The following MTA1 variants were observed in gnomAD, a reference collection of about 807,000 sequenced individuals.
The protein encoded by MTA1 is metastasis associated 1, also known as metastasis-associated protein MTA1.
Under a neutral mutation model 97.0 loss-of-function variants are expected in MTA1, and 15 were observed. The ratio of observed to expected loss-of-function variants is 0.15; its 90% confidence interval spans 0.10 to 0.24. MTA1 has a LOEUF of 0.24. MTA1 is among the 10% of genes least tolerant of loss of function. The pLI is 1.00. For missense variants in MTA1, 709 were observed against 1,015.1 expected (o/e 0.70, Z 4.10); for synonymous variants, 435 against 417.5 (o/e 1.04, Z -0.51).
chr14:105,454,032 G>C (rs2083047708), intron 6 of MTA1, among the ~76,000 whole-genome samples, 161 bp from the exon 7 acceptor site: 1 of 152,194 alleles, frequency 6.6e-6, no homozygotes, highest in Non-Finnish European at 1.5e-5. Flanking sequence ...ATGGCCGGGA[G>C]CTGTGGGGGC....
rs1298217128 is a variant in MTA1 at position 105,420,195 on chromosome 14, T to C, written c.28+132T>C. ...CCCGCCCTCGCGGCCCCCGGCTCCT[T>C]CCCGAACCGCCCCCCGCCGTGCTCA... On this transcript the variant is annotated intron_variant, in intron 1 of 20. Coordinates refer to ENST00000331320, the MANE Select transcript of MTA1 (RefSeq NM_004689.4). The surrounding 1 kb of genome is among the most constrained non-coding windows in gnomAD (Gnocchi z 5.3). 1 of 378,800 alleles carries C rather than the reference T, an allele frequency of 2.6e-6. No individual in the cohort carries two copies. The highest frequency in any genetic ancestry group is 3.6e-6 in the Non-Finnish European group (1 of 275,934). 23.5% of individuals were successfully genotyped at this position (378,800 alleles called of 1,614,324 possible).
intron 9 of MTA1, 89 bp downstream of exon 9, chr14:105,460,546 C>G (rs904910991): frequency 7.4e-7 from 1 of 1,351,762 alleles, no homozygotes; most frequent in African/African-American, 1.5e-5. Flanking sequence ...GGCCCAGCAC[C>G]TGCCCCAGGT....
chr14:105,446,429 G>A (rs2082720276), intron 3 of MTA1, among the ~76,000 whole-genome samples: 1 of 152,222 alleles, frequency 6.6e-6, no homozygotes, highest in Non-Finnish European at 1.5e-5. Context: ...GGTCCCACCT[G>A]TAACCTCCCA....
intron 7 of MTA1, among the ~76,000 whole-genome samples, chr14:105,456,853 C>T (rs2083173166): frequency 1.3e-5 from 2 of 152,222 alleles, no homozygotes; most frequent in African/African-American, 4.8e-5. Context: ...TTCACACAGC[C>T]CCAGTCCCTG....
In MTA1 at chr14:105,460,900, G is replaced by C. The variant is rs782291540; in HGVS notation, c.889G>C (p.Glu297Gln). 2 of 1,613,002 alleles carry C rather than the reference G, an allele frequency of 1.2e-6. No homozygotes were observed. Among genetic ancestry groups the C allele is most frequent in the Non-Finnish European group, 8.5e-7 (1 of 1,179,728 alleles). ...GTCTGCATCAGAGGCCAACCTTTTC[G>C]AGGAAGCCCTGGAAAAATATGGGAA... ...EWSASEANLF[E>Q]EALEKYGKDF... The change falls in exon 10 of 21, where the codon GAG (glutamate) becomes CAG (glutamine). Residue 297 changes from glutamate to glutamine, a missense_variant. Coordinates refer to ENST00000331320, the MANE Select transcript of MTA1 (RefSeq NM_004689.4).
rs2083739801 is a variant in MTA1, at chr14:105,469,491, G to A, written c.1838G>A (p.Arg613Lys). 4 of 1,612,738 alleles carry A rather than the reference G, an allele frequency of 2.5e-6. No homozygotes were observed. The highest frequency in any genetic ancestry group is 1.3e-5 in the African/African-American group (1 of 74,926). The change falls in exon 19 of 21, where the codon AGG becomes AAG. Residue 613 changes from arginine to lysine, a missense_variant. Coordinates refer to ENST00000331320, the MANE Select transcript of MTA1 (RefSeq NM_004689.4). ...SRGLANHGQARHMGPSRNLLL... is the reference protein window; with the variant it reads ...SRGLANHGQAKHMGPSRNLLL... ...GGTCTGGCAAACCACGGACAGGCCA[G>A]GCACATGGTAAGAGGAACAACCCAT... is the stretch of plus-strand genomic sequence containing the variant.
At position 105,464,845 on chromosome 14, in the gene MTA1, G is replaced by A. The variant is rs782761944; in HGVS notation, c.1516G>A (p.Ala506Thr). 16 of 1,583,276 alleles carry A rather than the reference G, an allele frequency of 1.0e-5. No individual in the cohort carries two copies. Among genetic ancestry groups the A allele is most frequent in the Admixed American group, 1.8e-5 (1 of 56,854 alleles). Residue 506 changes from alanine to threonine, a missense_variant, in exon 15 of 21, where the codon GCG (alanine) becomes ACG (threonine). By Grantham distance (58) the Ala-to-Thr change is moderately conservative (BLOSUM62 0). Coordinates refer to ENST00000331320, the MANE Select transcript of MTA1 (RefSeq NM_004689.4). ...ARHPYLPINS[A>T]AIKAECTARL... is the part of the protein sequence containing the mutation. ...GCACCCCTACCTGCCCATCAACAGC[G>A]CGGCCATCAAGGCCGAGTGTGAGTC...
At chr14:105,441,122 G>A (rs985849435) in intron 2 of MTA1, among the ~76,000 whole-genome samples, 5 of 152,204 alleles carry the variant, frequency 3.3e-5, no homozygotes, top group African/African-American at 1.2e-4. Context: ...GGGGGGTCAG[G>A]TGGTCCCACA....
intron 15 of MTA1, 30 bp downstream of exon 15, chr14:105,464,893 G>A: frequency 6.5e-7 from 1 of 1,529,596 alleles, no homozygotes; most frequent in South Asian, 1.2e-5. Context: ...CGCTTACTCT[G>A]TTCCTGCGGG....
intron 6 of MTA1, among the ~76,000 whole-genome samples, 174 bp from the exon 7 acceptor site, chr14:105,454,019 G>C (rs1473363556): frequency 2.0e-5 from 3 of 152,182 alleles, no homozygotes; most frequent in African/African-American, 7.2e-5. Flanking sequence ...GCTCCTCCCA[G>C]GCATGGCCGG....
intron 2 of MTA1, among the ~76,000 whole-genome samples, chr14:105,440,093 G>A (rs587660927): frequency 3.3e-5 from 5 of 152,196 alleles, no homozygotes; most frequent in Non-Finnish European, 7.4e-5. Context: ...TGAGGGCCAG[G>A]CCTGTTTGTT....
chr14:105,467,070 C>T (rs987498866), intron 18 of MTA1: 23 of 484,848 alleles, frequency 4.7e-5, no homozygotes, highest in Admixed American at 7.4e-5. Flanking sequence ...CTCGTGGGGC[C>T]GCCCGTGCTG....
At position 105,419,992 on chromosome 14, in the gene MTA1, G is replaced by C. The variant is rs2081769648; in HGVS notation, c.-44G>C. On this transcript the variant is annotated 5_prime_UTR_variant, in exon 1 of 21. Coordinates refer to ENST00000331320, the MANE Select transcript of MTA1 (RefSeq NM_004689.4). Reference sequence around the variant, plus strand: ...CCATTTTCCCGGCCGCCCGCGCCGAGCGCCGCGCCCGCCCCGGGCCCCTCC... The same window carrying C: ...CCATTTTCCCGGCCGCCCGCGCCGACCGCCGCGCCCGCCCCGGGCCCCTCC... 3 of 994,802 alleles carry C rather than the reference G, an allele frequency of 3.0e-6. No individual in the cohort carries two copies. The highest frequency in any genetic ancestry group is 3.6e-6 in the Non-Finnish European group (3 of 837,818). 61.6% of individuals were successfully genotyped at this position (994,802 alleles called of 1,614,324 possible). A position where few individuals can be genotyped will look rare whatever the true frequency, so the allele number is the denominator to read the frequency against.
chr14:105,437,694 G>T (rs587728381), intron 1 of MTA1, among the ~76,000 whole-genome samples: 1 of 152,346 alleles, frequency 6.6e-6, no homozygotes, highest in South Asian at 2.1e-4. Context: ...GCGGGCCTCT[G>T]GGCTGATTCC....
intron 13 of MTA1, 35 bp downstream of exon 13, chr14:105,464,182 G>A (rs368792368): frequency 5.5e-5 from 87 of 1,580,692 alleles, no homozygotes; most frequent in African/African-American, 1.2e-4. Context: ...CACACCGCAC[G>A]CCCGCCTGTG....
intron 4 of MTA1, among the ~76,000 whole-genome samples, chr14:105,449,796 C>T (rs587672793): frequency 2.4e-4 from 37 of 152,340 alleles, no homozygotes; most frequent in African/African-American, 8.7e-4. Flanking sequence ...CTCCTTCCAT[C>T]TTCATGCCCT....
chr14:105,430,093 T>G (rs1241720984), intron 1 of MTA1, among the ~76,000 whole-genome samples: 8 of 152,160 alleles, frequency 5.3e-5, no homozygotes, highest in Admixed American at 3.3e-4. Flanking sequence ...TCCTCTGCAT[T>G]CACAACTGGG....
chr14:105,437,782 G>C (rs1412403712), intron 1 of MTA1, among the ~76,000 whole-genome samples: 3 of 152,222 alleles, frequency 2.0e-5, no homozygotes, highest in African/African-American at 7.2e-5. Context: ...CGTGGTGCTG[G>C]TTCGTGAGGA....
intron 2 of MTA1, among the ~76,000 whole-genome samples, chr14:105,440,799 C>T (rs1555425485): frequency 2.0e-5 from 3 of 152,252 alleles, no homozygotes; most frequent in African/African-American, 4.8e-5. Context: ...AGGCCTGCGA[C>T]AGAGTGCGGC....
Sources: allele counts gnomAD v4.1 joint callset (sites outside exome capture counted in the v4.1 genomes callset), GRCh38; gene constraint gnomAD v4.1.1; non-coding constraint Gnocchi (gnomAD v3.1); transcripts MANE v1.5; gene names NCBI Gene and HGNC (gene_info 2026-07-23, HGNC 2026-07-21).